DDX60: variants seen among roughly 807,000 people sequenced by gnomAD.
DDX60 encodes probable ATP-dependent RNA helicase DDX60.
A neutral mutation model predicts 212.8 loss-of-function variants in DDX60; 165 were observed. The ratio of observed to expected loss-of-function variants is 0.78; its 90% CI spans 0.68 to 0.88. The LOEUF is 0.88. Among genes scored for constraint, DDX60 ranks in the 40% least tolerant of loss-of-function variants. The pLI is 0.00. For missense variants in DDX60, 1,905 were observed against 2,003.9 expected (o/e 0.95, Z 0.94); for synonymous variants, 703 against 685.3 (o/e 1.03, Z -0.40).
intron 30 of DDX60, among the ~76,000 whole-genome samples, chr4:168,238,461 AGGG>A (rs1733719933): frequency 7.7e-6 from 1 of 130,008 alleles, no homozygotes; most frequent in Non-Finnish European, 1.6e-5. Flanking sequence ...AGGGAAGGGA[AGGG>A]AAGGGAAGGG....
chr4:168,286,178 T>G (rs904961426), intron 10 of DDX60, among the ~76,000 whole-genome samples: 33 of 151,940 alleles, frequency 2.2e-4, no homozygotes, highest in Non-Finnish European at 4.1e-4. Context: ...ATGCCTTTTA[T>G]TTTCAAATGT....
At chr4:168,265,265 G>T (rs616531) in intron 22 of DDX60, among the ~76,000 whole-genome samples, 1 of 151,888 alleles carries the variant, frequency 6.6e-6, no homozygotes, top group African/African-American at 2.4e-5. Flanking sequence ...GTGGATGGCC[G>T]TTCTTATGTT....
intron 27 of DDX60, 60 bp from the exon 28 acceptor site, chr4:168,251,166 T>A (rs1419262035): frequency 1.4e-6 from 2 of 1,470,278 alleles, no homozygotes; most frequent in Non-Finnish European, 1.8e-6. Context: ...TAAAAATGTC[T>A]AAATGAAAAT....
At chr4:168,294,923 C>A (rs2149538207) in intron 6 of DDX60, among the ~76,000 whole-genome samples, 1 of 152,214 alleles carries the variant, frequency 6.6e-6, no homozygotes, top group South Asian at 2.1e-4. Context: ...TTACTAAAAA[C>A]ACACAAACAA....
chr4:168,307,588 C>T (rs924188558), intron 4 of DDX60, among the ~76,000 whole-genome samples: 3 of 152,070 alleles, frequency 2.0e-5, no homozygotes, highest in Admixed American at 6.6e-5. Context: ...GGATTACAGG[C>T]ATGCACCACC....
intron 37 of DDX60, among the ~76,000 whole-genome samples, chr4:168,218,881 G>T (rs953729708): frequency 2.8e-4 from 43 of 152,254 alleles, no homozygotes; most frequent in African/African-American, 1.0e-3. Flanking sequence ...AGTCACATTA[G>T]TCATTCCCTT....
chr4:168,254,540 A>C (rs1226268154), intron 26 of DDX60, among the ~76,000 whole-genome samples: 1 of 152,234 alleles, frequency 6.6e-6, no homozygotes, highest in Non-Finnish European at 1.5e-5. Flanking sequence ...TTATGGAATA[A>C]TATTACCTGC....
At chr4:168,241,500 G>A (rs1049774442) in intron 30 of DDX60, among the ~76,000 whole-genome samples, 1 of 152,194 alleles carries the variant, frequency 6.6e-6, no homozygotes, top group Non-Finnish European at 1.5e-5. Context: ...AGATGGAGAT[G>A]AGGAACTTGT....
intron 1 of DDX60, among the ~76,000 whole-genome samples, chr4:168,314,920 GC>G (rs1737298654): frequency 6.6e-6 from 1 of 151,892 alleles, no homozygotes; most frequent in Non-Finnish European, 1.5e-5. Flanking sequence ...AGAAAACTAC[GC>G]CTAGGCACAA....
At chr4:168,271,899 TGAAAAATCACTCAGGAAAAAAAAACG>T (rs1332484985) in intron 19 of DDX60, 118 bp downstream of exon 19, 1 of 656,600 alleles carries the variant, frequency 1.5e-6, no homozygotes, top group Non-Finnish European at 2.6e-6. Flanking sequence ...TGATTTTTCC[TGAAAAATCACTCAGGAAAAAAAAACG>T]GAGGCCTTCT....
chr4:168,314,904 CA>C (rs1737297678), intron 1 of DDX60, among the ~76,000 whole-genome samples: 1 of 151,958 alleles, frequency 6.6e-6, no homozygotes, highest in African/African-American at 2.4e-5. Flanking sequence ...GAAATAATGA[CA>C]AAAGAGAAAA....
At chr4:168,297,394 AAGAAAGAAAGAC>A (rs1736449015) in intron 6 of DDX60, among the ~76,000 whole-genome samples, 2 of 138,538 alleles carry the variant, frequency 1.4e-5, no homozygotes, top group African/African-American at 5.6e-5. Context: ...GAAAGAAAGA[AAGAAAGAAAGAC>A]AATAAATAAT....
intron 22 of DDX60, among the ~76,000 whole-genome samples, chr4:168,266,847 G>A (rs1158117795): frequency 1.3e-5 from 2 of 152,080 alleles, no homozygotes; most frequent in East Asian, 3.9e-4. Context: ...GTTGACTTTT[G>A]TGCTCTAAAA....
Position 168,262,731 on chromosome 4 carries a change from C to T in DDX60, c.3096G>A (p.Gln1032=). The change falls in exon 23 of 38, where the codon CAG becomes CAA. Residue 1032 remains glutamine, a synonymous_variant. Coordinates refer to ENST00000393743, the MANE Select transcript of DDX60 (RefSeq NM_017631.6). ...AAATTTGAAACATGGCATCATACAG[C>T]TGGATGCTTTCTCGAGGTGAAAGGG... ...DLTLSPRESI[Q]LYDAMFQIWK... 6.2e-7 allele frequency: 1 copy of T among 1,612,700 alleles called. No homozygotes were observed. Among genetic ancestry groups the T allele is most frequent in the Non-Finnish European group, 8.5e-7 (1 of 1,179,224 alleles).
Position 168,287,076 on chromosome 4 carries a change from A to G in DDX60, c.1311T>C (p.Phe437=). 1.2e-6 allele frequency: 2 copies of G among 1,606,310 alleles called. No homozygotes were observed. The highest frequency in any genetic ancestry group is 1.7e-6 in the Non-Finnish European group (2 of 1,178,234). Residue 437 remains phenylalanine, a synonymous_variant, in exon 10 of 38, where the codon TTT becomes TTC. Transcript: ENST00000393743. ...PFPLRTTKVC[F]LEKKPSPIKD... ...TGATTGGTGATGGTTTCTTTTCAAGAAAACAAACTTTTGTTGTTCTCAGAG... is the reference window on the plus strand; with the variant it reads ...TGATTGGTGATGGTTTCTTTTCAAGGAAACAAACTTTTGTTGTTCTCAGAG...
At chr4:168,297,659 T>C (rs1220751228) in intron 6 of DDX60, among the ~76,000 whole-genome samples, 1 of 152,128 alleles carries the variant, frequency 6.6e-6, no homozygotes, top group Non-Finnish European at 1.5e-5. Flanking sequence ...CGGTGGCTCA[T>C]GCCTATAATC....
At chr4:168,313,971 G>A (rs72693176) in intron 1 of DDX60, among the ~76,000 whole-genome samples, 5,807 of 152,230 alleles carry the variant, frequency 0.038, 116 homozygotes, top group Non-Finnish European at 0.046. Context: ...ATAAAACTGC[G>A]TTAATGGGCA....
chr4:168,322,645 T>C (rs1737628658), upstream of DDX60, among the ~76,000 whole-genome samples: 1 of 152,216 alleles, frequency 6.6e-6, no homozygotes, highest in African/African-American at 2.4e-5. Flanking sequence ...ACACTTCAAA[T>C]AGTTTATTCA....
At chr4:168,266,925 A>G (rs1734871733) in intron 22 of DDX60, among the ~76,000 whole-genome samples, 1 of 152,214 alleles carries the variant, frequency 6.6e-6, no homozygotes, top group Non-Finnish European at 1.5e-5. Flanking sequence ...TATGTTTAAC[A>G]TAACAGAATT....
Sources: gnomAD v4.1 joint callset for allele counts (sites outside exome capture counted in the v4.1 genomes callset) on GRCh38, gnomAD v4.1.1 for gene constraint, MANE v1.5 for transcripts, NCBI Gene and HGNC (gene_info 2026-07-23, HGNC 2026-07-21) for gene names.